The following EHBP1 variants were observed in gnomAD, a reference collection of about 807,000 sequenced individuals.
EHBP1 encodes the protein EH domain binding protein 1.
In EHBP1, 55 loss-of-function variants were observed where a neutral mutation model predicts 144.0. That is an observed-to-expected ratio of 0.38 (90% CI 0.31 to 0.48). EHBP1 has a LOEUF of 0.48. Among genes scored for constraint, EHBP1 ranks in the 20% least tolerant of loss-of-function variants. The probability of loss-of-function intolerance (pLI) is 0.98; values close to 1 mark genes in which losing one functional copy is unlikely to be tolerated. For synonymous variants in EHBP1, 469 were observed against 472.7 expected (o/e 0.99, Z 0.10); for missense variants, 1,200 against 1,364.2 (o/e 0.88, Z 1.90).
intron 5 of EHBP1, among the ~76,000 whole-genome samples, chr2:62,783,214 T>C (rs62179314): frequency 0.13 from 19,270 of 152,264 alleles, 1,591 homozygotes; most frequent in Non-Finnish European, 0.18. Flanking sequence ...CCTCTGTGGC[T>C]CTGCAGGGTA....
chr2:62,782,775 G>T (rs1165556499), intron 5 of EHBP1, among the ~76,000 whole-genome samples: 1 of 152,094 alleles, frequency 6.6e-6, no homozygotes, highest in African/African-American at 2.4e-5. Context: ...TAAGATTTGG[G>T]TGGGGACACA....
At chr2:62,712,537 AATAG>A (rs753403568) in intron 2 of EHBP1, among the ~76,000 whole-genome samples, 3 of 152,208 alleles carry the variant, frequency 2.0e-5, no homozygotes, top group Non-Finnish European at 2.9e-5. Flanking sequence ...GCAGGCATGG[AATAG>A]ATAGAGTTGG....
At chr2:62,789,037 T>G (rs924106863) in intron 5 of EHBP1, among the ~76,000 whole-genome samples, 5 of 152,236 alleles carry the variant, frequency 3.3e-5, no homozygotes, top group African/African-American at 1.2e-4. Flanking sequence ...TTAGTGATCA[T>G]GAAGAGTTAA....
Position 62,716,160 on chromosome 2 carries a change from C to A in EHBP1, c.104+8865C>A, listed in dbSNP as rs1572938023. 3.3e-5 allele frequency among the ~76,000 whole-genome samples: 5 copies of A among 152,172 alleles called. No individual in the cohort carries two copies. In the South Asian group the frequency reaches 1.0e-3, roughly 32 times the overall value. On this transcript the variant is annotated intron_variant, in intron 2 of 22. Transcript: ENST00000431489. ...CCACCCATTCCTATCTCCTCTACTT[C>A]CAGAATTTTCTGCCCCGCAACCCCC...
intron 7 of EHBP1, among the ~76,000 whole-genome samples, chr2:62,856,478 GTC>G (rs1400270363): frequency 6.6e-6 from 1 of 152,206 alleles, no homozygotes; most frequent in Non-Finnish European, 1.5e-5. Flanking sequence ...CAGCTGGTGT[GTC>G]TGACTGCACA....
rs997568060 is a variant in EHBP1 at position 63,032,771 on chromosome 2, A to C, written c.3104-4764A>C. On this transcript the variant is annotated intron_variant, in intron 19 of 22. Coordinates refer to ENST00000431489, the MANE Select transcript of EHBP1 (RefSeq NM_001142616.3). The stretch of plus-strand genomic sequence containing the variant: ...CAGGGGTCTGTTAGAAGTCGTGTGT[A>C]GAAAGTTGCTACCTCACATCTCTCC... Among the ~76,000 whole-genome samples the C allele has an allele frequency of 1.4e-4, 21 of 152,216 alleles. No individual in the cohort carries two copies. In the East Asian group the frequency reaches 3.9e-3, roughly 28 times the overall value.
At chr2:62,999,436 T>C (rs1443081217) in intron 19 of EHBP1, among the ~76,000 whole-genome samples, 3 of 152,176 alleles carry the variant, frequency 2.0e-5, no homozygotes, top group Non-Finnish European at 4.4e-5. Context: ...TTTTCAGAAG[T>C]TTTTCATCAC....
chr2:62,764,159 C>T (rs1239891765), intron 3 of EHBP1, 107 bp from the exon 4 acceptor site: 1 of 765,354 alleles, frequency 1.3e-6, no homozygotes, highest in African/African-American at 1.8e-5. Flanking sequence ...AAATTACTAA[C>T]ATTGCATTTC....
intron 11 of EHBP1, among the ~76,000 whole-genome samples, chr2:62,943,376 CAAAAA>C (rs11306610): frequency 1.6e-4 from 14 of 87,856 alleles, no homozygotes; most frequent in African/African-American, 6.6e-4. Flanking sequence ...AACTCCGTCT[CAAAAA>C]AAAAAAAAAA....
At chr2:62,713,487 G>C (rs1165489437) in intron 2 of EHBP1, among the ~76,000 whole-genome samples, 6 of 151,952 alleles carry the variant, frequency 3.9e-5, no homozygotes, top group Non-Finnish European at 8.8e-5. Context: ...CAAATGATCT[G>C]CCCACCTCAG....
intron 5 of EHBP1, among the ~76,000 whole-genome samples, chr2:62,823,452 G>A (rs1244155817): frequency 2.0e-5 from 3 of 152,034 alleles, no homozygotes; most frequent in Non-Finnish European, 4.4e-5. Flanking sequence ...AGCAATAATA[G>A]TAATTCTCTC....
chr2:63,028,131 A>G (rs2061066258), intron 19 of EHBP1, among the ~76,000 whole-genome samples: 1 of 152,206 alleles, frequency 6.6e-6, no homozygotes, highest in African/African-American at 2.4e-5. Context: ...ACAAAAAAAG[A>G]TAAGTATATG....
At chr2:62,750,834 G>C (rs1319112661) in intron 3 of EHBP1, among the ~76,000 whole-genome samples, 2 of 152,200 alleles carry the variant, frequency 1.3e-5, no homozygotes, top group Non-Finnish European at 1.5e-5. Flanking sequence ...CATTGATTTT[G>C]TGTCCTGAGA....
chr2:62,844,457 T>C (rs1242990014), intron 7 of EHBP1, among the ~76,000 whole-genome samples: 2 of 151,856 alleles, frequency 1.3e-5, no homozygotes, highest in African/African-American at 4.8e-5. Context: ...GTAGCAGGAG[T>C]GATAGACCTT....
intron 10 of EHBP1, among the ~76,000 whole-genome samples, chr2:62,935,855 C>T (rs2056349783): frequency 6.6e-6 from 1 of 151,988 alleles, no homozygotes; most frequent in Non-Finnish European, 1.5e-5. Context: ...TATAAATGGA[C>T]ATTATTTTAT....
chr2:62,839,781 G>T (rs1201689820), intron 7 of EHBP1, among the ~76,000 whole-genome samples: 1 of 152,168 alleles, frequency 6.6e-6, no homozygotes, highest in Non-Finnish European at 1.5e-5. Flanking sequence ...CAACTTAAAA[G>T]GGATGTGAAG....
intron 2 of EHBP1, chr2:62,726,890 T>TA (rs1315207491): frequency 6.6e-6 from 1 of 151,708 alleles, no homozygotes; most frequent in African/African-American, 2.4e-5. Flanking sequence ...CGAGACGGAG[T>TA]CTTGCTCTGT....
At chr2:62,957,575 G>C (rs537165470) in intron 14 of EHBP1, among the ~76,000 whole-genome samples, 185 of 146,012 alleles carry the variant, frequency 1.3e-3, no homozygotes, top group African/African-American at 4.4e-3. Flanking sequence ...AGTATGATTC[G>C]TACATAGAAA....
intron 5 of EHBP1, among the ~76,000 whole-genome samples, chr2:62,792,723 T>C (rs944355112): frequency 6.6e-6 from 1 of 152,042 alleles, no homozygotes; most frequent in African/African-American, 2.4e-5. Flanking sequence ...ATGCTATGTG[T>C]TTATAAATAC....
Sources: gnomAD v4.1 joint callset for allele counts (sites outside exome capture counted in the v4.1 genomes callset) on GRCh38, gnomAD v4.1.1 for gene constraint, MANE v1.5 for transcripts, NCBI Gene and HGNC (gene_info 2026-07-23, HGNC 2026-07-21) for gene names.